The following CIT variants were observed in gnomAD, a reference collection of about 807,000 sequenced individuals.
CIT encodes citron Rho-interacting kinase.
In CIT, 79 loss-of-function variants were observed where a neutral mutation model predicts 272.7. The observed-to-expected ratio is 0.29, with a 90% CI of 0.24 to 0.35. CIT has a LOEUF of 0.35. CIT is among the 10% of genes least tolerant of loss of function. The probability of loss-of-function intolerance (pLI) is 1.00; values close to 1 mark genes in which losing one functional copy is unlikely to be tolerated. For missense variants in CIT, 1,909 were observed against 2,618.3 expected, an observed-to-expected ratio of 0.73 and a Z score of 5.91; for synonymous variants, 948 against 995.6, an observed-to-expected ratio of 0.95 and a Z score of 0.90.
intron 46 of CIT, among the ~76,000 whole-genome samples, chr12:119,696,743 T>C (rs1174906462): frequency 6.6e-6 from 1 of 152,158 alleles, no homozygotes; most frequent in Non-Finnish European, 1.5e-5. Flanking sequence ...CCCAGGCTGG[T>C]CTTGAACTCC....
intron 5 of CIT, among the ~76,000 whole-genome samples, chr12:119,835,294 T>G (rs1371235612): frequency 5.9e-5 from 9 of 152,224 alleles, no homozygotes; most frequent in Admixed American, 5.9e-4. Context: ...GGGATAAGAC[T>G]AATCCTCTTG....
intron 46 of CIT, among the ~76,000 whole-genome samples, chr12:119,695,295 T>C (rs1368841849): frequency 6.6e-6 from 1 of 152,096 alleles, no homozygotes; most frequent in Non-Finnish European, 1.5e-5. Flanking sequence ...AGGGAGCAGA[T>C]CAGGATTGAA....
intron 9 of CIT, among the ~76,000 whole-genome samples, chr12:119,806,257 G>A (rs770978448): frequency 6.6e-6 from 1 of 151,680 alleles, no homozygotes; most frequent in Non-Finnish European, 1.5e-5. Flanking sequence ...TAGACAGCTA[G>A]TCGGTCAAGT....
At chr12:119,775,765 G>GA in intron 16 of CIT, 21 bp downstream of exon 16, 4 of 1,608,288 alleles carry the variant, frequency 2.5e-6, no homozygotes, top group Non-Finnish European at 3.4e-6. Flanking sequence ...GTAAGTTCCT[G>GA]AAAAATCACC....
At chr12:119,688,527 G>A (rs1032746985) in intron 47 of CIT, among the ~76,000 whole-genome samples, 17 of 152,270 alleles carry the variant, frequency 1.1e-4, no homozygotes, top group African/African-American at 4.1e-4. Flanking sequence ...AATTGGGAGG[G>A]ATAAGAAGCC....
intron 39 of CIT, 110 bp from the exon 40 acceptor site, chr12:119,708,428 T>C: frequency 9.0e-7 from 1 of 1,112,762 alleles, no homozygotes; most frequent in Non-Finnish European, 1.2e-6. Context: ...GCCACACAGA[T>C]GATCTGAGTT....
At chr12:119,723,597 G>A (rs1850072614) in intron 28 of CIT, among the ~76,000 whole-genome samples, 1 of 152,088 alleles carries the variant, frequency 6.6e-6, no homozygotes, top group African/African-American at 2.4e-5. Context: ...ACAGGAAACT[G>A]GGAGGAAAAA....
intron 10 of CIT, among the ~76,000 whole-genome samples, chr12:119,802,948 G>C (rs1219277129): frequency 6.6e-6 from 1 of 152,080 alleles, no homozygotes; most frequent in Non-Finnish European, 1.5e-5. Context: ...CCAAAGATTG[G>C]AAAACTAACC....
At chr12:119,780,841 C>A (rs1405917422) in intron 13 of CIT, among the ~76,000 whole-genome samples, 1 of 152,182 alleles carries the variant, frequency 6.6e-6, no homozygotes, top group Non-Finnish European at 1.5e-5. Flanking sequence ...AACCACGTTT[C>A]TTCCCCACAA....
chr12:119,688,132 CT>C lies in CIT; in HGVS notation c.*99del. The C allele has an allele frequency of 7.5e-7, 1 of 1,328,902 alleles. No individual in the cohort carries two copies. The highest frequency in any genetic ancestry group is 2.3e-5 in the East Asian group (1 of 43,586). 82.3% of individuals were successfully genotyped at this position (1,328,902 alleles called of 1,614,324 possible). A position where few individuals can be genotyped will look rare whatever the true frequency, so the allele number is the denominator to read the frequency against. On this transcript the variant is annotated 3_prime_UTR_variant, in exon 48 of 48. Coordinates refer to ENST00000392521, the MANE Select transcript of CIT (RefSeq NM_001206999.2). Reference sequence around the variant, plus strand: ...TGGGCCCCGCTGAGCCAGAGGGTGGCTGAGCACGTGGGCGCTTGGGTCCCCA... The same window carrying C: ...TGGGCCCCGCTGAGCCAGAGGGTGGCGAGCACGTGGGCGCTTGGGTCCCCA...
intron 20 of CIT, among the ~76,000 whole-genome samples, chr12:119,760,186 C>CA (rs556831232): frequency 0.043 from 2,702 of 62,712 alleles, 90 homozygotes; most frequent in African/African-American, 0.11. Context: ...GATTCCATCT[C>CA]AAAAAAAAAA....
At chr12:119,872,997 C>T (rs549408398) in intron 2 of CIT, among the ~76,000 whole-genome samples, 2 of 152,170 alleles carry the variant, frequency 1.3e-5, no homozygotes, top group African/African-American at 2.4e-5. Context: ...GGGGTTTCAC[C>T]ATTTTGCCCA....
chr12:119,797,789 G>A (rs537474949), intron 10 of CIT, among the ~76,000 whole-genome samples: 7 of 152,224 alleles, frequency 4.6e-5, no homozygotes, highest in Non-Finnish European at 1.0e-4. Context: ...GGACTGATTG[G>A]AGAGTTCAGG....
chr12:119,774,312 AAAG>A (rs1373264009), intron 16 of CIT, among the ~76,000 whole-genome samples: 3 of 152,186 alleles, frequency 2.0e-5, no homozygotes, highest in African/African-American at 4.8e-5. Flanking sequence ...CAATTTTAAA[AAAG>A]AAGAAGGAGG....
intron 28 of CIT, among the ~76,000 whole-genome samples, chr12:119,722,868 A>G (rs1022164179): frequency 2.0e-5 from 3 of 152,000 alleles, no homozygotes; most frequent in Admixed American, 6.6e-5. Context: ...CCCTAACAGT[A>G]CTGCCACAAA....
rs1290296494 is a variant in CIT, at chr12:119,694,069, T to C, written c.5882+3590A>G. ...TTCTTTGCAGGCCAAGGTTTCAAAC[T>C]TCCTACACCTCGAGCTGGATCTAGC... On this transcript the variant is annotated intron_variant, in intron 46 of 47. Coordinates refer to ENST00000392521, the MANE Select transcript of CIT (RefSeq NM_001206999.2). This position sits in a 1 kb window ranked among gnomAD's most constrained non-coding sequence, Gnocchi z 4.5. 1.3e-5 allele frequency among the ~76,000 whole-genome samples: 2 copies of C among 152,208 alleles called. No homozygotes were observed. Among genetic ancestry groups the C allele is most frequent in the Non-Finnish European group, 2.9e-5 (2 of 68,044 alleles).
At chr12:119,711,034 T>A (rs760216097) in intron 37 of CIT, 1 of 1,367,646 alleles carries the variant, frequency 7.3e-7, no homozygotes, top group Admixed American at 1.9e-5. Flanking sequence ...CCAGCACGCC[T>A]CTGCATCTCT....
Position 119,801,451 on chromosome 12 carries a change from T to C in CIT, c.1295+1755A>G, listed in dbSNP as rs539390884. 3.9e-5 allele frequency among the ~76,000 whole-genome samples: 6 copies of C among 152,294 alleles called. No individual in the cohort carries two copies. In the East Asian group the frequency reaches 9.6e-4, roughly 24 times the overall value. ...ACTGCTTCAGATTAATTGCAATGCC[T>C]AAGATCTCCCATATCATTCTGCCTT... is the stretch of plus-strand genomic sequence containing the variant. On this transcript the variant is annotated intron_variant, in intron 10 of 47. Coordinates refer to ENST00000392521, the MANE Select transcript of CIT (RefSeq NM_001206999.2).
At position 119,727,755 on chromosome 12, in the gene CIT, C is replaced by A. The variant is rs567969722; in HGVS notation, c.3591+747G>T. Among the ~76,000 whole-genome samples, 18 of 143,082 alleles carry A rather than the reference C, an allele frequency of 1.3e-4. No homozygotes were observed. The East Asian group carries it at 1.7e-3, about 14-fold the overall frequency. The allele number at this position is 143,082 out of a possible 152,430, so 93.9% of individuals were successfully genotyped here. On this transcript the variant is annotated intron_variant, in intron 28 of 47. Coordinates refer to ENST00000392521, the MANE Select transcript of CIT (RefSeq NM_001206999.2). ...GCCAGCCTGAGCAACATGGGGAAAC[C>A]CCATCTCTACAAAACAATACAAAAA...
Sources: gnomAD v4.1 joint callset for allele counts (sites outside exome capture counted in the v4.1 genomes callset) on GRCh38, gnomAD v4.1.1 for gene constraint, Gnocchi (gnomAD v3.1) non-coding constraint, MANE v1.5 for transcripts, NCBI Gene and HGNC (gene_info 2026-07-23, HGNC 2026-07-21) for gene names.